The following LONRF2 variants were observed in gnomAD, a reference collection of about 807,000 sequenced individuals.
LONRF2 encodes LON peptidase N-terminal domain and ring finger 2.
A neutral mutation model predicts 66.6 loss-of-function variants in LONRF2; 35 were observed. The observed-to-expected ratio is 0.53, with a 90% CI of 0.40 to 0.70. The LOEUF (loss-of-function observed/expected upper bound fraction) is 0.70, where lower values mean the gene tolerates loss of function less well. Among genes scored for constraint, LONRF2 ranks in the 30% least tolerant of loss-of-function variants. The pLI is 0.00. For missense variants in LONRF2, 902 were observed against 1,002.1 expected (o/e 0.90, Z 1.35); for synonymous variants, 417 against 418.1 (o/e 1.00, Z 0.03).
intron 1 of LONRF2, among the ~76,000 whole-genome samples, chr2:100,312,735 G>A (rs1675432414): frequency 6.6e-6 from 1 of 152,194 alleles, no homozygotes; most frequent in South Asian, 2.1e-4. Flanking sequence ...ACCATTTGGT[G>A]ATACATTTGT....
chr2:100,300,933 A>C, intron 3 of LONRF2, 146 bp from the exon 4 acceptor site: 1 of 641,638 alleles, frequency 1.6e-6, no homozygotes, highest in Non-Finnish European at 2.4e-6. Context: ...ACCTTTTAAA[A>C]TCCAAACATT....
intron 1 of LONRF2, 109 bp from the exon 2 acceptor site, chr2:100,309,334 AAATAC>A (rs1256375171): frequency 9.4e-6 from 5 of 530,254 alleles, no homozygotes; most frequent in African/African-American, 3.9e-5. Flanking sequence ...TATAAAGTAT[AAATAC>A]AATACAATAC....
intron 2 of LONRF2, among the ~76,000 whole-genome samples, chr2:100,304,949 G>C (rs1459736753): frequency 6.6e-6 from 1 of 152,062 alleles, no homozygotes; most frequent in Admixed American, 6.6e-5. Flanking sequence ...TCCTTTTTAA[G>C]CCTTGTGGTT....
At chr2:100,294,199 C>T in intron 9 of LONRF2, 30 bp downstream of exon 9, 2 of 1,601,752 alleles carry the variant, frequency 1.2e-6, no homozygotes, top group Non-Finnish European at 1.7e-6. Flanking sequence ...TTCATTAGGA[C>T]CCTTTGAACC....
intron 7 of LONRF2, among the ~76,000 whole-genome samples, chr2:100,297,286 A>T (rs1340494678): frequency 1.4e-5 from 2 of 139,270 alleles, no homozygotes; most frequent in Non-Finnish European, 3.1e-5. Context: ...CCGCCACCAT[A>T]CCTGGCTAAT....
intron 4 of LONRF2, 91 bp from the exon 5 acceptor site, chr2:100,300,009 G>GT: frequency 2.8e-6 from 1 of 363,374 alleles, no homozygotes; most frequent in Non-Finnish European, 4.3e-6. Flanking sequence ...AGAAATCTTT[G>GT]GAAAAAAAAA....
intron 11 of LONRF2, among the ~76,000 whole-genome samples, chr2:100,285,681 A>C (rs112730463): frequency 1.3e-5 from 2 of 152,284 alleles, no homozygotes; most frequent in African/African-American, 4.8e-5. Context: ...GAGAAGCAAC[A>C]TTGCTGGCTC....
rs746603058 is a variant in LONRF2 at position 100,321,509 on chromosome 2, G to A, written c.585C>T (p.Cys195=). ...GLLEKCFPAE[C]RLRRLAGQAR... ...CCTGGCCTGCCAGCCTGCGCAGCCG[G>A]CACTCGGCCGGGAAGCACTTCTCCA... The change falls in exon 1 of 12, where the codon TGC becomes TGT. Residue 195 remains cysteine, a synonymous_variant. Transcript: ENST00000393437. 2 of 1,548,162 alleles carry A rather than the reference G, an allele frequency of 1.3e-6. No individual in the cohort carries two copies. Among genetic ancestry groups the A allele is most frequent in the East Asian group, 2.6e-5 (1 of 38,902 alleles).
chr2:100,287,002 A>G lies in LONRF2; in HGVS notation c.1982T>C (p.Val661Ala). 2 of 1,614,240 alleles carry G rather than the reference A, an allele frequency of 1.2e-6. No homozygotes were observed. The highest frequency in any genetic ancestry group is 1.7e-6 in the Non-Finnish European group (2 of 1,180,034). ...ALHDSVHQQSVSWFASLQDRM... is the reference protein window; with the variant it reads ...ALHDSVHQQSASWFASLQDRM... ...ATCCTGGAGAGACGCGAACCAGGAA[A>G]CAGACTGTTGATGCACAGAATCGTG... The change falls in exon 11 of 12, where the codon GTT becomes GCT. Residue 661 changes from valine (V) to alanine (A), a missense_variant. Transcript: ENST00000393437.
At chr2:100,288,293 G>A (rs547611787) in intron 10 of LONRF2, among the ~76,000 whole-genome samples, 1 of 152,352 alleles carries the variant, frequency 6.6e-6, no homozygotes, top group South Asian at 2.1e-4. Context: ...AGGAGGCACA[G>A]AGACAGTGTC....
In LONRF2 at chr2:100,300,025, G is replaced by GA. The variant is rs1675150986; in HGVS notation, c.1066-108_1066-107insT. On this transcript the variant is annotated intron_variant, in intron 4 of 11. Transcript: ENST00000393437. Reference sequence around the variant, plus strand: ...GAAATCTTTGGAAAAAAAAAGGGGGGGGCATACACTCTTCTTCATAATTGG... The same window carrying GA: ...GAAATCTTTGGAAAAAAAAAGGGGGGAGGCATACACTCTTCTTCATAATTGG... 4 of 518,198 alleles carry GA rather than the reference G, an allele frequency of 7.7e-6. 1 individual carries two copies. The African/African-American group carries it at 8.3e-5, about 11-fold the overall frequency. 32.1% of individuals were successfully genotyped at this position (518,198 alleles called of 1,614,324 possible).
intron 7 of LONRF2, among the ~76,000 whole-genome samples, chr2:100,297,366 C>T (rs4268944): frequency 0.28 from 42,937 of 151,712 alleles, 7,121 homozygotes; most frequent in East Asian, 0.46. Flanking sequence ...CTCTATCTCC[C>T]GCCCTTGTGA....
rs900934284 is a variant in LONRF2, at chr2:100,272,328, G to A, written c.*11970C>T. 5.3e-5 allele frequency among the ~76,000 whole-genome samples: 8 copies of A among 152,054 alleles called. No homozygotes were observed. The highest frequency in any genetic ancestry group is 4.2e-4 in the South Asian group (2 of 4,816). ...AGCTTGGGCAACACAGCTAGACCTC[G>A]TCTCCATAGAAAGTAAAAAAATTAG... On this transcript the variant is annotated 3_prime_UTR_variant, in exon 12 of 12. Transcript: ENST00000393437.
chr2:100,294,114 T>TA, intron 9 of LONRF2, 115 bp downstream of exon 9: 1 of 1,224,066 alleles, frequency 8.2e-7, no homozygotes, highest in Admixed American at 2.4e-5. Flanking sequence ...TGGACTTTGT[T>TA]ACGTAACGGG....
rs1320066477 is a variant in LONRF2 at position 100,281,738 on chromosome 2, G to A, written c.*2560C>T. 6.6e-6 allele frequency: 1 copy of A among 152,196 alleles called. No homozygotes were observed. The highest frequency in any genetic ancestry group is 2.4e-5 in the African/African-American group (1 of 41,440). 9.4% of individuals were successfully genotyped at this position (152,196 alleles called of 1,614,324 possible). ...ACTTTCAGTACAATTAAGCTGGAAT[G>A]TCCTGACATTGAATGAGAGATTACA... On this transcript the variant is annotated 3_prime_UTR_variant, in exon 12 of 12. Transcript: ENST00000393437.
chr2:100,315,298 CT>C (rs60322396), intron 1 of LONRF2, among the ~76,000 whole-genome samples: 13,280 of 152,106 alleles, frequency 0.087, 1,814 homozygotes, highest in African/African-American at 0.3. Flanking sequence ...CTATATTGAC[CT>C]TGTAGTCAGC....
rs1482243805 is a variant in LONRF2, at chr2:100,279,580, T to C, written c.*4718A>G. 6.6e-6 allele frequency: 1 copy of C among 152,186 alleles called. No homozygotes were observed. The highest frequency in any genetic ancestry group is 1.5e-5 in the Non-Finnish European group (1 of 68,040). The allele number at this position is 152,186 out of a possible 1,614,324, so 9.4% of individuals were successfully genotyped here. A position where few individuals can be genotyped will look rare whatever the true frequency, so the allele number is the denominator to read the frequency against. On this transcript the variant is annotated 3_prime_UTR_variant, in exon 12 of 12. Coordinates refer to ENST00000393437, the MANE Select transcript of LONRF2 (RefSeq NM_198461.4). The stretch of plus-strand genomic sequence containing the variant: ...ATCATGATTTCTATATTTTATGATA[T>C]TTTGACATCTCAGGGGCCTCGCTGA...
chr2:100,303,507 G>A (rs1675228036), intron 2 of LONRF2, among the ~76,000 whole-genome samples: 1 of 152,094 alleles, frequency 6.6e-6, no homozygotes, highest in Admixed American at 6.5e-5. Flanking sequence ...AATTTCCCAT[G>A]GCATTTTCTT....
Position 100,321,441 on chromosome 2 carries a change from A to T in LONRF2, c.653T>A (p.Leu218His). Reference sequence around the variant, plus strand: ...CAGCTCCAGGGCCTGGTCGCACCTGAGCAGCGCGGCCTCCGGCTGCTGCTG... The same window carrying T: ...CAGCTCCAGGGCCTGGTCGCACCTGTGCAGCGCGGCCTCCGGCTGCTGCTG... Reference protein sequence around the residue: ...QRQQQPEAALLRCDQALELAP... With the variant: ...QRQQQPEAALHRCDQALELAP... The change falls in exon 1 of 12, where the codon CTC (leucine) becomes CAC (histidine). Residue 218 changes from leucine (L) to histidine (H), a missense_variant. This residue lies in a region of LONRF2 where 585 missense variants were observed against 569.9 expected (regional missense o/e 1.03). Transcript: ENST00000393437. 1.3e-6 allele frequency: 2 copies of T among 1,492,262 alleles called. No individual in the cohort carries two copies. The highest frequency in any genetic ancestry group is 2.4e-4 in the Middle Eastern group (1 of 4,202). 92.4% of individuals were successfully genotyped at this position (1,492,262 alleles called of 1,614,324 possible).
Sources: allele counts gnomAD v4.1 joint callset (sites outside exome capture counted in the v4.1 genomes callset), GRCh38; gene constraint gnomAD v4.1.1; regional missense constraint gnomAD v4.1.1; transcripts MANE v1.5; gene names NCBI Gene and HGNC (gene_info 2026-07-23, HGNC 2026-07-21).